Variants in CHLSN observed in about 807,000 individuals in gnomAD.
CHLSN encodes cholesin, also known as protein cholesin.
At chr7:1,063,089 C>T in the CHLSN span, among the ~76,000 whole-genome samples, 1 of 152,318 alleles carries the variant, frequency 6.6e-6, no homozygotes, top group African/African-American at 2.4e-5. Context: ...CTCCTCCATC[C>T]TGTGTCTTCT....
chr7:1,106,774 CCCAAAAGA>C, the CHLSN span, among the ~76,000 whole-genome samples: 2 of 152,222 alleles, frequency 1.3e-5, no homozygotes, highest in Non-Finnish European at 2.9e-5. Flanking sequence ...GCTCCCAGCT[CCCAAAAGA>C]CCAACTGACC....
At chr7:1,033,090 G>A in the CHLSN span, among the ~76,000 whole-genome samples, 1 of 152,192 alleles carries the variant, frequency 6.6e-6, no homozygotes, top group Non-Finnish European at 1.5e-5. Context: ...AGCCCAGCTC[G>A]GTCTGTGAAG....
chr7:983,142 G>A, the CHLSN span: 90 of 1,310,540 alleles, frequency 6.9e-5, no homozygotes, highest in Non-Finnish European at 8.4e-5. Context: ...ACGCCCTCCC[G>A]CGGAGGCCTA....
the CHLSN span, chr7:1,026,924 G>A: frequency 6.6e-6 from 1 of 152,218 alleles, no homozygotes; most frequent in East Asian, 1.9e-4. Flanking sequence ...AGGGCTTTGA[G>A]TATAAACTGA....
At chr7:1,003,742 T>C in the CHLSN span, among the ~76,000 whole-genome samples, 1 of 66,916 alleles carries the variant, frequency 1.5e-5, no homozygotes, top group Non-Finnish European at 2.9e-5. Context: ...GTGAGTGGAG[T>C]CCTGTGGGTG....
At chr7:987,032 C>G in the CHLSN span, 2 of 1,426,828 alleles carry the variant, frequency 1.4e-6, no homozygotes, top group Non-Finnish European at 1.8e-6. Flanking sequence ...TAGTGGAGCC[C>G]AGGGCTGGGC....
At chr7:1,093,935 T>C in the CHLSN span, 2 of 321,170 alleles carry the variant, frequency 6.2e-6, no homozygotes, top group African/African-American at 4.3e-5. Context: ...CCCTGAAAAC[T>C]CTCACAAGGC....
chr7:1,042,326 G>A, the CHLSN span, among the ~76,000 whole-genome samples: 1 of 152,228 alleles, frequency 6.6e-6, no homozygotes, highest in African/African-American at 2.4e-5. Context: ...CCACGTCCAC[G>A]TGACTTCAAC....
chr7:1,083,357 G>C, the CHLSN span, among the ~76,000 whole-genome samples: 2 of 152,188 alleles, frequency 1.3e-5, no homozygotes, highest in African/African-American at 4.8e-5. Flanking sequence ...GGGCGCGGTG[G>C]CTCAAGCCTG....
At chr7:1,065,498 G>A in the CHLSN span, among the ~76,000 whole-genome samples, 2 of 152,256 alleles carry the variant, frequency 1.3e-5, no homozygotes, top group African/African-American at 2.4e-5. Context: ...GGACCCACCG[G>A]GGACAGGCGC....
At chr7:979,349 G>C in the CHLSN span, among the ~76,000 whole-genome samples, 3 of 152,164 alleles carry the variant, frequency 2.0e-5, no homozygotes, top group Non-Finnish European at 4.4e-5. Flanking sequence ...TCAAAGTTTC[G>C]GTGCAAGAGT....
At chr7:994,401 C>T in the CHLSN span, among the ~76,000 whole-genome samples, 3 of 151,676 alleles carry the variant, frequency 2.0e-5, no homozygotes, top group African/African-American at 4.8e-5. Context: ...CCTCATGATC[C>T]GCCCACCTTG....
At chr7:992,181 C>T in the CHLSN span, among the ~76,000 whole-genome samples, 1 of 151,148 alleles carries the variant, frequency 6.6e-6, no homozygotes, top group Admixed American at 6.6e-5. Context: ...CCGACCCCGG[C>T]CCCTGTACCC....
At chr7:1,034,588 G>A in the CHLSN span, among the ~76,000 whole-genome samples, 5 of 152,158 alleles carry the variant, frequency 3.3e-5, no homozygotes, top group African/African-American at 1.2e-4. Context: ...AACCCAGGAG[G>A]TGCCCCATGT....
At chr7:1,060,753 T>C in the CHLSN span, among the ~76,000 whole-genome samples, 1 of 152,218 alleles carries the variant, frequency 6.6e-6, no homozygotes, top group Admixed American at 6.5e-5. Flanking sequence ...GGTGTGAACC[T>C]TTAAAGCCGC....
chr7:990,598 G>C, the CHLSN span, among the ~76,000 whole-genome samples: 1 of 151,788 alleles, frequency 6.6e-6, no homozygotes, highest in Non-Finnish European at 1.5e-5. Flanking sequence ...AGGTGGGGCC[G>C]CAGGGTCCCT....
the CHLSN span, among the ~76,000 whole-genome samples, chr7:1,124,987 C>T: frequency 6.0e-4 from 92 of 152,204 alleles, no homozygotes; most frequent in Non-Finnish European, 1.1e-3. Context: ...TGGCTTCCCT[C>T]GCCCGGGGGG....
chr7:1,114,785 T>C, the CHLSN span, among the ~76,000 whole-genome samples: 1 of 152,190 alleles, frequency 6.6e-6, no homozygotes, highest in Non-Finnish European at 1.5e-5. Flanking sequence ...CCGGGAGCCA[T>C]TCTGCCCGGG....
At chr7:1,000,796 G>A in the CHLSN span, among the ~76,000 whole-genome samples, 2 of 152,318 alleles carry the variant, frequency 1.3e-5, no homozygotes, top group East Asian at 1.9e-4. Context: ...TGGCCACCCC[G>A]GGGCTCACCA....
Sources: gnomAD v4.1 joint callset for allele counts (sites outside exome capture counted in the v4.1 genomes callset) on GRCh38, gnomAD v4.1.1 for gene constraint, MANE v1.5 for transcripts, NCBI Gene and HGNC (gene_info 2026-07-23, HGNC 2026-07-21) for gene names.